The following RBPMS variants were observed in gnomAD, a reference collection of about 807,000 sequenced individuals.
The protein encoded by RBPMS is RNA-binding protein with multiple splicing.
In RBPMS, 7 loss-of-function variants were observed where a neutral mutation model predicts 26.8. The observed-to-expected ratio is 0.26, with a 90% CI of 0.15 to 0.49. RBPMS has a LOEUF of 0.49. Among genes scored for constraint, RBPMS ranks in the 20% least tolerant of loss-of-function variants. The probability of loss-of-function intolerance (pLI) is 0.98; values close to 1 mark genes in which losing one functional copy is unlikely to be tolerated. For synonymous variants in RBPMS, 96 were observed against 93.3 expected (o/e 1.03, Z -0.17); for missense variants, 186 against 250.0 (o/e 0.74, Z 1.73).
intron 5 of RBPMS, among the ~76,000 whole-genome samples, chr8:30,511,232 T>C (rs1210833794): frequency 6.6e-6 from 1 of 152,008 alleles, no homozygotes; most frequent in Non-Finnish European, 1.5e-5. Context: ...GAGAATCACT[T>C]GAACCCAGGA....
intron 1 of RBPMS, among the ~76,000 whole-genome samples, chr8:30,436,992 G>A (rs945213123): frequency 2.0e-5 from 3 of 148,124 alleles, no homozygotes; most frequent in Non-Finnish European, 4.4e-5. Flanking sequence ...GCGCAATCTC[G>A]GCTCACTGCA....
At chr8:30,528,760 C>A (rs949103564) in intron 5 of RBPMS, among the ~76,000 whole-genome samples, 1 of 152,144 alleles carries the variant, frequency 6.6e-6, no homozygotes, top group Non-Finnish European at 1.5e-5. Context: ...AGCTGCTCAT[C>A]TGAGGTTTTA....
chr8:30,438,918 C>T (rs1255079432), intron 1 of RBPMS, among the ~76,000 whole-genome samples: 1 of 152,066 alleles, frequency 6.6e-6, no homozygotes, highest in Non-Finnish European at 1.5e-5. Flanking sequence ...GGCCTACAGG[C>T]GCATGCCACC....
At chr8:30,459,820 G>T (rs1414774017) in intron 1 of RBPMS, among the ~76,000 whole-genome samples, 2 of 152,090 alleles carry the variant, frequency 1.3e-5, no homozygotes, top group African/African-American at 2.4e-5. Flanking sequence ...AAATATTTTA[G>T]ATCAATTTAA....
chr8:30,571,880 T>C lies in RBPMS; in HGVS notation c.*1355T>C, dbSNP rs1429632144. The stretch of plus-strand genomic sequence containing the variant: ...CAGCTGCCAAACACAGTCTTTCCTA[T>C]TGATCCGCTCGGCTTATGTTGAAAA... On this transcript the variant is annotated 3_prime_UTR_variant, in exon 9 of 9. Coordinates refer to ENST00000397323, the MANE Select transcript of RBPMS (RefSeq NM_001008710.3). 6.6e-6 allele frequency: 1 copy of C among 152,266 alleles called. No homozygotes were observed. The highest frequency in any genetic ancestry group is 1.5e-5 in the Non-Finnish European group (1 of 68,042). 9.4% of individuals were successfully genotyped at this position (152,266 alleles called of 1,614,324 possible). A position where few individuals can be genotyped will look rare whatever the true frequency, so the allele number is the denominator to read the frequency against.
chr8:30,514,680 C>CTTTTTT lies in RBPMS; in HGVS notation c.397+10262_397+10267dup, dbSNP rs577244764. On this transcript the variant is annotated intron_variant, in intron 5 of 8. Transcript: ENST00000397323. ...TACGGGTGCGAGCCACCATGCCGGG[C>CTTTTTT]TTTTTTTTTTTTTTTTTTTTTTTAA... 4.6e-3 allele frequency among the ~76,000 whole-genome samples: 378 copies of CTTTTTT among 82,576 alleles called. 56 individuals are homozygous for CTTTTTT. The highest frequency in any genetic ancestry group is 6.9e-3 in the South Asian group (13 of 1,894). The allele number at this position is 82,576 out of a possible 152,430, so 54.2% of individuals were successfully genotyped here.
At chr8:30,567,469 G>A (rs1827981005) in intron 8 of RBPMS, among the ~76,000 whole-genome samples, 1 of 152,186 alleles carries the variant, frequency 6.6e-6, no homozygotes, top group African/African-American at 2.4e-5. Flanking sequence ...ATCCCACTAG[G>A]CCCACGGCCT....
intron 5 of RBPMS, among the ~76,000 whole-genome samples, chr8:30,530,760 C>T (rs1411120601): frequency 2.0e-5 from 3 of 152,122 alleles, no homozygotes; most frequent in Admixed American, 6.5e-5. Flanking sequence ...CCACGCCTGG[C>T]CATTCATGGG....
chr8:30,544,411 T>C, intron 5 of RBPMS, 83 bp from the exon 6 acceptor site: 1 of 1,340,652 alleles, frequency 7.5e-7, no homozygotes, highest in South Asian at 1.2e-5. Flanking sequence ...TGATTGGGGC[T>C]CGGGGTTGTT....
intron 4 of RBPMS, among the ~76,000 whole-genome samples, chr8:30,499,684 A>G (rs1254105060): frequency 6.6e-6 from 1 of 152,214 alleles, no homozygotes; most frequent in Non-Finnish European, 1.5e-5. Flanking sequence ...TATCAAGCTC[A>G]TGAAAGGTAA....
chr8:30,528,525 A>G (rs974780703), intron 5 of RBPMS, among the ~76,000 whole-genome samples: 5 of 152,228 alleles, frequency 3.3e-5, no homozygotes, highest in African/African-American at 1.2e-4. Flanking sequence ...TGAGGTCATT[A>G]GATAGTGCAT....
At chr8:30,554,495 G>A (rs1285280744) in intron 6 of RBPMS, among the ~76,000 whole-genome samples, 2 of 152,182 alleles carry the variant, frequency 1.3e-5, no homozygotes, top group Non-Finnish European at 1.5e-5. Flanking sequence ...CTGCTGAAGG[G>A]ACCAAATTGT....
At position 30,479,341 on chromosome 8, in the gene RBPMS, T is replaced by A. The variant is rs746651414; in HGVS notation, c.210T>A (p.Ser70Arg). The change falls in exon 4 of 9, where the codon AGT (serine) becomes AGA (arginine). Residue 70 changes from serine (S) to arginine (R), a missense_variant. By Grantham distance (110) the Ser-to-Arg change is moderately radical (BLOSUM62 -1). Around this residue, in one of 3 missense-constraint regions of RBPMS, gnomAD observed 50 missense variants for 108.5 expected, o/e 0.46. Transcript: ENST00000397323. ...KQPVGFVSFD[S>R]RSEAEAAKNA... is the part of the protein sequence containing the mutation. The stretch of plus-strand genomic sequence containing the variant: ...CTGTAGGTTTTGTCAGTTTTGACAG[T>A]CGCTCAGAAGCAGAGGCTGCAAAGA... 5 of 1,606,232 alleles carry A rather than the reference T, an allele frequency of 3.1e-6. No individual in the cohort carries two copies. The highest frequency in any genetic ancestry group is 4.2e-6 in the Non-Finnish European group (5 of 1,178,042).
intron 4 of RBPMS, 77 bp downstream of exon 4, chr8:30,479,454 A>T (rs1054414725): frequency 6.7e-6 from 7 of 1,051,444 alleles, no homozygotes; most frequent in Non-Finnish European, 8.8e-6. Context: ...TGGACGGGAA[A>T]TCAAGTGGAA....
At chr8:30,558,839 G>A (rs557497828) in intron 6 of RBPMS, 48 bp from the exon 7 acceptor site, 9 of 1,496,032 alleles carry the variant, frequency 6.0e-6, no homozygotes, top group Non-Finnish European at 6.5e-6. Context: ...TGAGAATGGG[G>A]ATATGCTGGG....
At chr8:30,391,306 G>A (rs1338630427) in intron 1 of RBPMS, among the ~76,000 whole-genome samples, 4 of 152,216 alleles carry the variant, frequency 2.6e-5, no homozygotes, top group African/African-American at 9.6e-5. Flanking sequence ...TTGGTTAGGT[G>A]GAAGAGCATG....
At position 30,544,546 on chromosome 8, in the gene RBPMS, G is replaced by A. The variant is rs139508114; in HGVS notation, c.450G>A (p.Pro150=). Residue 150 remains proline (P), a synonymous_variant, in exon 6 of 9, where the codon CCG becomes CCA. Transcript: ENST00000397323. ...CCAGTAGCCCTGAAGTGTGGGCCCC[G>A]TACCCTCTGTACCCAGCGGAGTTAG... ...LYPSSPEVWA[P]YPLYPAELAP... The A allele has an allele frequency of 4.5e-5, 73 of 1,614,108 alleles. No individual in the cohort carries two copies. The African/African-American group carries it at 6.4e-4, about 14-fold the overall frequency.
At chr8:30,529,897 G>T (rs1824025393) in intron 5 of RBPMS, among the ~76,000 whole-genome samples, 2 of 152,030 alleles carry the variant, frequency 1.3e-5, no homozygotes, top group South Asian at 4.2e-4. Flanking sequence ...GGGATTGCAG[G>T]CATGTGTCAC....
At chr8:30,514,018 G>A (rs940566710) in intron 5 of RBPMS, among the ~76,000 whole-genome samples, 1 of 152,148 alleles carries the variant, frequency 6.6e-6, no homozygotes, top group Non-Finnish European at 1.5e-5. Flanking sequence ...TTTCTCATGT[G>A]TAGTAGTGGA....
Sources: gnomAD v4.1 joint callset for allele counts (sites outside exome capture counted in the v4.1 genomes callset) on GRCh38, gnomAD v4.1.1 for gene constraint, gnomAD v4.1.1 regional missense constraint, MANE v1.5 for transcripts, NCBI Gene and HGNC (gene_info 2026-07-23, HGNC 2026-07-21) for gene names.